The following GRIK2 variants were observed in gnomAD, a reference collection of about 807,000 sequenced individuals.
GRIK2 encodes the protein glutamate ionotropic receptor kainate type subunit 2, also known as glutamate receptor ionotropic, kainate 2.
A neutral mutation model predicts 100.3 loss-of-function variants in GRIK2; 32 were observed. The observed-to-expected ratio is 0.32, with a 90% CI of 0.24 to 0.43. The LOEUF (loss-of-function observed/expected upper bound fraction) is 0.43, where lower values mean the gene tolerates loss of function less well. Ranked by LOEUF, GRIK2 falls within the 20% of genes least tolerant of loss-of-function variation. The probability of loss-of-function intolerance (pLI) is 1.00; values close to 1 mark genes in which losing one functional copy is unlikely to be tolerated. For missense variants in GRIK2, 843 were observed against 1,114.9 expected, an observed-to-expected ratio of 0.76 and a Z score of 3.47; for synonymous variants, 417 against 389.4, an observed-to-expected ratio of 1.07 and a Z score of -0.83.
At chr6:101,538,608 G>A (rs544016620) in intron 2 of GRIK2, among the ~76,000 whole-genome samples, 2 of 136,118 alleles carry the variant, frequency 1.5e-5, no homozygotes, top group African/African-American at 5.6e-5. Flanking sequence ...AATGCCCTCA[G>A]TATCTTTTTT....
rs141939385 is a variant in GRIK2 at position 101,737,081 on chromosome 6, C to T, written c.951+50728C>T. Among the ~76,000 whole-genome samples the T allele has an allele frequency of 2.3e-3, 352 of 152,204 alleles. 4 individuals carry two copies. The highest frequency in any genetic ancestry group is 7.5e-3 in the African/African-American group (310 of 41,536). Reference sequence around the variant, plus strand: ...TCCCAACAAGTTCCTTATCTCCACCCGAGACCACCTCAGCCTTGATTTCAT... The same window carrying T: ...TCCCAACAAGTTCCTTATCTCCACCTGAGACCACCTCAGCCTTGATTTCAT... On this transcript the variant is annotated intron_variant, in intron 7 of 16. Transcript: ENST00000369134.
At position 101,838,105 on chromosome 6, in the gene GRIK2, CA is replaced by C. The variant is rs146613585; in HGVS notation, c.1317+19625del. Among the ~76,000 whole-genome samples the C allele has an allele frequency of 3.9e-3, 588 of 152,262 alleles. 8 individuals are homozygous for C. Among genetic ancestry groups the C allele is most frequent in the African/African-American group, 0.014 (566 of 41,570 alleles). On this transcript the variant is annotated intron_variant, in intron 10 of 16. Coordinates refer to ENST00000369134, the MANE Select transcript of GRIK2 (RefSeq NM_021956.5). ...ACAGGGACACAGAGAAGAATATGAA[CA>C]AACAGTTCTTGCTAAGTTTCCCTCA...
intron 3 of GRIK2, among the ~76,000 whole-genome samples, chr6:101,622,698 C>T (rs1368846700): frequency 6.6e-6 from 1 of 151,496 alleles, no homozygotes; most frequent in Non-Finnish European, 1.5e-5. Flanking sequence ...TATATAAGGA[C>T]ATAATTAGAA....
At chr6:101,662,503 A>T (rs1398521275) in intron 4 of GRIK2, among the ~76,000 whole-genome samples, 2 of 152,136 alleles carry the variant, frequency 1.3e-5, no homozygotes, top group African/African-American at 2.4e-5. Flanking sequence ...TGGAAAGTGC[A>T]GTCTAACATG....
chr6:102,036,256 CACACAT>C (rs1770266994), intron 15 of GRIK2, among the ~76,000 whole-genome samples: 1 of 150,848 alleles, frequency 6.6e-6, no homozygotes, highest in African/African-American at 2.4e-5. Flanking sequence ...CACACACACA[CACACAT>C]ATATATATAA....
intron 7 of GRIK2, among the ~76,000 whole-genome samples, chr6:101,695,787 T>C (rs563987724): frequency 6.6e-6 from 1 of 152,174 alleles, no homozygotes; most frequent in Non-Finnish European, 1.5e-5. Context: ...CTTAAACATG[T>C]TCAGAATACT....
chr6:101,574,519 A>G lies in GRIK2; in HGVS notation c.116-47430A>G, dbSNP rs187092915. Among the ~76,000 whole-genome samples the G allele has an allele frequency of 2.0e-4, 30 of 150,638 alleles. 1 individual carries two copies. Among genetic ancestry groups the G allele is most frequent in the African/African-American group, 6.6e-4 (27 of 40,690 alleles). Reference sequence around the variant, plus strand: ...ATGTAAATGAAGAGTTCTATACCCAATTTTTAGACAATAAAATATACCATG... The same window carrying G: ...ATGTAAATGAAGAGTTCTATACCCAGTTTTTAGACAATAAAATATACCATG... On this transcript the variant is annotated intron_variant, in intron 2 of 16. Transcript: ENST00000369134.
intron 7 of GRIK2, among the ~76,000 whole-genome samples, chr6:101,785,234 A>G (rs1779348612): frequency 6.6e-6 from 1 of 151,996 alleles, no homozygotes; most frequent in South Asian, 2.1e-4. Flanking sequence ...ATAGCTTGCA[A>G]ATATTTTCTA....
chr6:101,644,219 T>C (rs1014929916), intron 4 of GRIK2, among the ~76,000 whole-genome samples: 3 of 151,858 alleles, frequency 2.0e-5, no homozygotes, highest in African/African-American at 7.2e-5. Context: ...AAAAGTGTTA[T>C]GGCAAACTGG....
intron 2 of GRIK2, among the ~76,000 whole-genome samples, chr6:101,453,218 C>T (rs779441251): frequency 1.3e-4 from 20 of 151,550 alleles, no homozygotes; most frequent in Non-Finnish European, 2.7e-4. Flanking sequence ...GTTTCTGTTC[C>T]GTTCCCAGTA....
intron 12 of GRIK2, among the ~76,000 whole-genome samples, chr6:101,890,826 G>A (rs1355504233): frequency 6.6e-6 from 1 of 151,442 alleles, no homozygotes; most frequent in South Asian, 2.1e-4. Flanking sequence ...CAGGACTGAT[G>A]ACTCTATTGA....
At chr6:101,990,815 TATTTC>T (rs1794311205) in intron 14 of GRIK2, among the ~76,000 whole-genome samples, 1 of 144,640 alleles carries the variant, frequency 6.9e-6, no homozygotes, top group Non-Finnish European at 1.5e-5. Flanking sequence ...TGGGGATACT[TATTTC>T]ATTGTCATTA....
intron 7 of GRIK2, among the ~76,000 whole-genome samples, chr6:101,758,218 G>T (rs1213775294): frequency 6.6e-6 from 1 of 152,126 alleles, no homozygotes; most frequent in African/African-American, 2.4e-5. Flanking sequence ...ATGAGGCCCT[G>T]CCTTAAAATA....
chr6:101,591,972 G>T (rs936457750), intron 2 of GRIK2, among the ~76,000 whole-genome samples: 3 of 151,954 alleles, frequency 2.0e-5, no homozygotes, highest in Admixed American at 6.6e-5. Flanking sequence ...CCTCATGAAT[G>T]GCTTAGTGTC....
intron 7 of GRIK2, among the ~76,000 whole-genome samples, chr6:101,762,151 C>CCCCTGT (rs1777755419): frequency 7.1e-6 from 1 of 141,528 alleles, no homozygotes; most frequent in African/African-American, 2.9e-5. Flanking sequence ...CCTTCCTCTT[C>CCCCTGT]CTCTGTCTCT....
At chr6:101,547,017 G>C (rs1776276606) in intron 2 of GRIK2, among the ~76,000 whole-genome samples, 2 of 150,364 alleles carry the variant, frequency 1.3e-5, no homozygotes, top group Non-Finnish European at 3.0e-5. Flanking sequence ...ATTTTTAGTA[G>C]AGACGGGGTT....
At position 101,818,372 on chromosome 6, in the gene GRIK2, T is replaced by C. The variant is rs753793494; in HGVS notation, c.1206T>C (p.Ile402=). The change falls in exon 10 of 17, where the codon ATT becomes ATC. Residue 402 remains isoleucine (I), a splice_region_variant and synonymous_variant. Coordinates refer to ENST00000369134, the MANE Select transcript of GRIK2 (RefSeq NM_021956.5). The stretch of plus-strand genomic sequence containing the variant: ...AAAGTACATATGCTATTTTATAGAT[T>C]GGAACGTGGGATCCAGCCAGTGGCC... The part of the protein sequence containing the change: ...ISLKEEGLEK[I]GTWDPASGLN... 6.4e-6 allele frequency: 10 copies of C among 1,572,196 alleles called. 1 individual carries two copies. In the South Asian group the frequency reaches 1.0e-4, roughly 16 times the overall value.
chr6:101,542,785 A>T (rs1043981978), intron 2 of GRIK2, among the ~76,000 whole-genome samples: 1 of 152,114 alleles, frequency 6.6e-6, no homozygotes, highest in South Asian at 2.1e-4. Flanking sequence ...TGAAAAATTA[A>T]TGTCTCCATA....
intron 6 of GRIK2, among the ~76,000 whole-genome samples, chr6:101,683,518 C>T (rs1257338133): frequency 2.6e-5 from 4 of 152,072 alleles, no homozygotes; most frequent in Non-Finnish European, 2.9e-5. Context: ...ATACATTATC[C>T]TGACCTTTCT....
Sources: allele counts gnomAD v4.1 joint callset (sites outside exome capture counted in the v4.1 genomes callset), GRCh38; gene constraint gnomAD v4.1.1; transcripts MANE v1.5; gene names NCBI Gene and HGNC (gene_info 2026-07-23, HGNC 2026-07-21).